FBXO47: variants seen among roughly 807,000 people sequenced by gnomAD.
FBXO47 encodes the protein F-box only protein 47.
Under a neutral mutation model 53.9 loss-of-function variants are expected in FBXO47, and 34 were observed. The observed-to-expected ratio is 0.63, with a 90% CI of 0.48 to 0.84. The LOEUF (loss-of-function observed/expected upper bound fraction) is 0.84, where lower values mean the gene tolerates loss of function less well. FBXO47 is among the 40% of genes least tolerant of loss of function. The pLI is 0.00. For missense variants in FBXO47, 485 were observed against 541.3 expected (o/e 0.90, Z 1.03); for synonymous variants, 165 against 181.6 (o/e 0.91, Z 0.73).
chr17:38,948,882 CTCCTAATATTA>C (rs1567718388), intron 6 of FBXO47, among the ~76,000 whole-genome samples: 1 of 152,002 alleles, frequency 6.6e-6, no homozygotes, highest in Non-Finnish European at 1.5e-5. Flanking sequence ...TTAGGTATTT[CTCCTAATATTA>C]TCCCTTCCCT....
At chr17:38,948,913 G>A (rs1178361469) in intron 6 of FBXO47, among the ~76,000 whole-genome samples, 4 of 150,822 alleles carry the variant, frequency 2.7e-5, no homozygotes, top group Non-Finnish European at 4.4e-5. Flanking sequence ...TTGCCCCCAT[G>A]CCCCCATCAC....
In FBXO47 at chr17:38,942,884, C is replaced by T. The variant is rs147591782; in HGVS notation, c.977G>A (p.Arg326His). 14 of 1,612,516 alleles carry T rather than the reference C, an allele frequency of 8.7e-6. No individual in the cohort carries two copies. Among genetic ancestry groups the T allele is most frequent in the African/African-American group, 4.0e-5 (3 of 74,828 alleles). The change falls in exon 9 of 11, where the codon CGT (arginine) becomes CAT (histidine). Residue 326 changes from arginine to histidine, a missense_variant. Physicochemically the swap from Arg to His is conservative, Grantham distance 29. Coordinates refer to ENST00000378079, the MANE Select transcript of FBXO47 (RefSeq NM_001008777.3). The part of the protein sequence containing the change: ...PREWLLENNA[R>H]LLMLSGNNIC... ...GTTGTTTCCACTTAGCATTAGGAGA[C>T]GTGCATTATTCTCTAGAAGCCACTC...
intron 10 of FBXO47, among the ~76,000 whole-genome samples, chr17:38,937,875 A>G (rs920792146): frequency 1.3e-5 from 2 of 151,938 alleles, no homozygotes; most frequent in African/African-American, 4.8e-5. Context: ...TCACCGTGTT[A>G]GCCAGGATGG....
intron 6 of FBXO47, among the ~76,000 whole-genome samples, chr17:38,950,637 T>C (rs1905226023): frequency 6.6e-6 from 1 of 151,974 alleles, no homozygotes; most frequent in Non-Finnish European, 1.5e-5. Flanking sequence ...CTTGTGCATA[T>C]TGTGGGAGTT....
At chr17:38,946,373 T>TATATAA in intron 6 of FBXO47, among the ~76,000 whole-genome samples, 1 of 93,494 alleles carries the variant, frequency 1.1e-5, no homozygotes, top group Non-Finnish European at 1.8e-5. Flanking sequence ...TATATAGATA[T>TATATAA]ATATATAAAT....
At position 38,939,388 on chromosome 17, in the gene FBXO47, C is replaced by T. The variant is rs1904401499; in HGVS notation, c.1084-656G>A. Among the ~76,000 whole-genome samples the T allele has an allele frequency of 2.3e-5, 3 of 133,280 alleles. No homozygotes were observed. In the South Asian group the frequency reaches 7.2e-4, roughly 32 times the overall value. The allele number at this position is 133,280 out of a possible 152,430, so 87.4% of individuals were successfully genotyped here. A position where few individuals can be genotyped will look rare whatever the true frequency, so the allele number is the denominator to read the frequency against. ...TGAACATAGAAAAAAAATTTCTGCT[C>T]ATTTACTCATTCAATAAACATTTAT... is the stretch of plus-strand genomic sequence containing the variant. On this transcript the variant is annotated intron_variant, in intron 9 of 10. Transcript: ENST00000378079.
Position 38,964,694 on chromosome 17 carries a change from CAAT to C in FBXO47, c.-26-1646_-26-1644del, listed in dbSNP as rs374278294. ...AAACAAACAAACAAACAAAAAATAA[CAAT>C]AATAATAATAGTCACTGATGAATCT... On this transcript the variant is annotated intron_variant, in intron 1 of 10. Transcript: ENST00000378079. 2.3e-3 allele frequency among the ~76,000 whole-genome samples: 352 copies of C among 151,740 alleles called. 1 individual carries two copies. The highest frequency in any genetic ancestry group is 8.2e-3 in the African/African-American group (338 of 41,184).
intron 10 of FBXO47, among the ~76,000 whole-genome samples, chr17:38,937,990 G>A (rs1915623447): frequency 6.6e-6 from 1 of 152,158 alleles, no homozygotes; most frequent in African/African-American, 2.4e-5. Context: ...ATTTAAACAG[G>A]AGACTTTTTG....
At chr17:38,942,034 AATAAT>A (rs1186537497) in intron 9 of FBXO47, among the ~76,000 whole-genome samples, 2 of 152,032 alleles carry the variant, frequency 1.3e-5, no homozygotes, top group African/African-American at 4.8e-5. Context: ...AATTAGAGAG[AATAAT>A]ATAATAAACT....
chr17:38,946,278 A>G (rs1260482957), intron 6 of FBXO47, among the ~76,000 whole-genome samples: 2 of 88,170 alleles, frequency 2.3e-5, no homozygotes, highest in Non-Finnish European at 4.1e-5. Context: ...ATATATAAAA[A>G]TATATATAAA....
chr17:38,957,159 T>G lies in FBXO47; in HGVS notation c.429+18A>C. 1.3e-6 allele frequency: 2 copies of G among 1,484,808 alleles called. No individual in the cohort carries two copies. The highest frequency in any genetic ancestry group is 1.9e-6 in the Non-Finnish European group (2 of 1,065,404). 92.0% of individuals were successfully genotyped at this position (1,484,808 alleles called of 1,614,324 possible). On this transcript the variant is annotated intron_variant, in intron 4 of 10. Coordinates refer to ENST00000378079, the MANE Select transcript of FBXO47 (RefSeq NM_001008777.3). ...CTGGAAATCAAGATTGTAAACTAAT[T>G]TAGAAGTATGATCTTACTTCTGTGA...
rs1168938947 is a variant in FBXO47 at position 38,937,300 on chromosome 17, A to T, written c.1244-10T>A. ...TCTTCATCACGGTCTCCTATATGCC[A>T]TACATAGTGGGGAAAAGAAAATGAC... is the stretch of plus-strand genomic sequence containing the variant. On this transcript the variant is annotated splice_polypyrimidine_tract_variant and intron_variant, in intron 10 of 10. Transcript: ENST00000378079. 1 of 1,210,804 alleles carries T rather than the reference A, an allele frequency of 8.3e-7. No homozygotes were observed. The allele number at this position is 1,210,804 out of a possible 1,614,324, so 75.0% of individuals were successfully genotyped here. A position where few individuals can be genotyped will look rare whatever the true frequency, so the allele number is the denominator to read the frequency against.
chr17:38,938,913 G>A (rs1904370098), intron 9 of FBXO47, among the ~76,000 whole-genome samples, 181 bp from the exon 10 acceptor site: 1 of 152,014 alleles, frequency 6.6e-6, no homozygotes, highest in Non-Finnish European at 1.5e-5. Context: ...CTTTCAAATG[G>A]TACAATTTTA....
chr17:38,961,877 C>T lies in FBXO47; in HGVS notation c.352G>A (p.Gly118Ser), dbSNP rs1905828479. 2 of 1,609,122 alleles carry T rather than the reference C, an allele frequency of 1.2e-6. No homozygotes were observed. Among genetic ancestry groups the T allele is most frequent in the African/African-American group, 1.3e-5 (1 of 74,670 alleles). Residue 118 changes from glycine (G) to serine (S), a missense_variant and splice_region_variant, in exon 3 of 11, where the codon GGT becomes AGT. Physicochemically the swap from Gly to Ser is moderately conservative, Grantham distance 56. Coordinates refer to ENST00000378079, the MANE Select transcript of FBXO47 (RefSeq NM_001008777.3). ...SAILEHYRSL[G>S]LLFKRCTLLL... is the part of the protein sequence containing the mutation. ...TTGCAATTCTCATTACATAAGTTAC[C>T]TAGAGATCTGTAGTGCTCCAGTATA... is the stretch of plus-strand genomic sequence containing the variant.
chr17:38,940,131 A>G (rs182481632), intron 9 of FBXO47, among the ~76,000 whole-genome samples: 28 of 152,134 alleles, frequency 1.8e-4, no homozygotes, highest in Non-Finnish European at 3.5e-4. Context: ...ATTATGAACT[A>G]TGAAAGAAAT....
chr17:38,959,499 G>T (rs1438309912), intron 3 of FBXO47, among the ~76,000 whole-genome samples: 2 of 142,654 alleles, frequency 1.4e-5, no homozygotes, highest in Non-Finnish European at 3.0e-5. Context: ...AGAATCGCTT[G>T]AACCCAGGAG....
Position 38,965,704 on chromosome 17 carries a change from T to C in FBXO47, c.-27+1525A>G, listed in dbSNP as rs572454507. ...CTGGCTAACACGGTGAAACCCCTTC[T>C]CTACTAAAAAAAAAAAAAAAAAAAA... On this transcript the variant is annotated intron_variant, in intron 1 of 10. Transcript: ENST00000378079. Among the ~76,000 whole-genome samples, 5 of 63,238 alleles carry C rather than the reference T, an allele frequency of 7.9e-5. No individual in the cohort carries two copies. In the East Asian group the frequency reaches 2.6e-3, roughly 33 times the overall value. The allele number at this position is 63,238 out of a possible 152,430, so 41.5% of individuals were successfully genotyped here. A position where few individuals can be genotyped will look rare whatever the true frequency, so the allele number is the denominator to read the frequency against.
intron 9 of FBXO47, among the ~76,000 whole-genome samples, chr17:38,941,620 T>TATATATATATATATATATA (rs372467875): frequency 6.9e-5 from 8 of 115,196 alleles, no homozygotes; most frequent in Non-Finnish European, 1.3e-4. Flanking sequence ...AAATATAATA[T>TATATATATATATATATATA]TATATATATA....
rs779564185 is a variant in FBXO47 at position 38,942,819 on chromosome 17, G to C, written c.1042C>G (p.Arg348Gly). The change falls in exon 9 of 11, where the codon CGC (arginine) becomes GGC (glycine). Residue 348 changes from arginine (R) to glycine (G), a missense_variant. Transcript: ENST00000378079. ...SFMASKAVNG[R>G]TIELARLVVF... ...ACGAGCCTTGCCAGTTCAATGGTGC[G>C]TCCATTCACAGCTTTACTAGCCATG... 1.9e-6 allele frequency: 3 copies of C among 1,613,440 alleles called. No homozygotes were observed. The highest frequency in any genetic ancestry group is 2.5e-6 in the Non-Finnish European group (3 of 1,179,756).
Sources: gnomAD v4.1 joint callset for allele counts (sites outside exome capture counted in the v4.1 genomes callset) on GRCh38, gnomAD v4.1.1 for gene constraint, MANE v1.5 for transcripts, NCBI Gene and HGNC (gene_info 2026-07-23, HGNC 2026-07-21) for gene names.